FAM178B: variants seen among roughly 807,000 people sequenced by gnomAD.
FAM178B encodes the protein protein FAM178B.
In FAM178B, 82 loss-of-function variants were observed where a neutral mutation model predicts 91.7. That is an observed-to-expected ratio of 0.89 (90% confidence interval 0.75 to 1.07). The LOEUF is 1.07. Ranked by LOEUF, FAM178B falls within the 50% of genes least tolerant of loss-of-function variation. The pLI is 0.00. For missense variants in FAM178B, 769 were observed against 846.7 expected, an observed-to-expected ratio of 0.91 and a Z score of 1.14; for synonymous variants, 368 against 359.4, an observed-to-expected ratio of 1.02 and a Z score of -0.27.
chr2:96,949,909 G>C, intron 7 of FAM178B: 1 of 906,490 alleles, frequency 1.1e-6, no homozygotes, highest in Non-Finnish European at 1.3e-6. Flanking sequence ...GCACAGAGCT[G>C]ATGCTAAGAA....
intron 5 of FAM178B, among the ~76,000 whole-genome samples, chr2:96,962,184 C>A (rs1431542740): frequency 6.6e-6 from 1 of 152,070 alleles, no homozygotes; most frequent in Non-Finnish European, 1.5e-5. Context: ...CACCTGTAAT[C>A]CCAGCTACTT....
In FAM178B at chr2:96,906,204, C is replaced by CT. The variant is rs779631865; in HGVS notation, c.1563-3498dup. ...CAGCCAATACTTTTTCTTTTTCTTT[C>CT]TTTTTTTTTTTTTTTGAGCAGGAGT... On this transcript the variant is annotated intron_variant, in intron 12 of 16. Transcript: ENST00000490605. Among the ~76,000 whole-genome samples the CT allele has an allele frequency of 4.1e-3, 548 of 132,910 alleles. 7 individuals are homozygous for CT. Among genetic ancestry groups the CT allele is most frequent in the African/African-American group, 8.9e-3 (320 of 35,834 alleles). The allele number at this position is 132,910 out of a possible 152,430, so 87.2% of individuals were successfully genotyped here.
At chr2:96,877,674 C>T (rs751104201) in intron 16 of FAM178B, 15 of 569,402 alleles carry the variant, frequency 2.6e-5, no homozygotes, top group East Asian at 5.9e-5. Context: ...GGATTACAGG[C>T]GTGAGCTACC....
chr2:96,970,793 A>C lies in FAM178B; in HGVS notation c.565-16T>G. On this transcript the variant is annotated splice_polypyrimidine_tract_variant and intron_variant, in intron 3 of 16. Transcript: ENST00000490605. Reference sequence around the variant, plus strand: ...CCCAGGAAAACTGGAGAAACAGGACATGGGAATGAGGACGACAGAGAAGTA... The same window carrying C: ...CCCAGGAAAACTGGAGAAACAGGACCTGGGAATGAGGACGACAGAGAAGTA... The C allele has an allele frequency of 6.5e-7, 1 of 1,541,786 alleles. No homozygotes were observed. Among genetic ancestry groups the C allele is most frequent in the Non-Finnish European group, 8.8e-7 (1 of 1,137,968 alleles).
At chr2:96,976,690 C>CA (rs1172673965) in intron 1 of FAM178B, among the ~76,000 whole-genome samples, 4 of 150,266 alleles carry the variant, frequency 2.7e-5, no homozygotes, top group African/African-American at 7.3e-5. Flanking sequence ...ACTAAAAATA[C>CA]AAAAAAAATT....
chr2:96,908,401 A>G (rs554199363), intron 12 of FAM178B, among the ~76,000 whole-genome samples: 1 of 152,324 alleles, frequency 6.6e-6, no homozygotes, highest in African/African-American at 2.4e-5. Flanking sequence ...ATAAATGTTT[A>G]AAAACAGGCA....
At chr2:96,932,390 G>C (rs2081554628) in intron 8 of FAM178B, among the ~76,000 whole-genome samples, 1 of 152,228 alleles carries the variant, frequency 6.6e-6, no homozygotes, top group Non-Finnish European at 1.5e-5. Flanking sequence ...CCTATCAGCA[G>C]CCGTGGAGGC....
intron 12 of FAM178B, among the ~76,000 whole-genome samples, chr2:96,906,566 C>A (rs1013297564): frequency 3.3e-5 from 5 of 152,174 alleles, no homozygotes; most frequent in African/African-American, 9.7e-5. Flanking sequence ...CAACACTTCC[C>A]ACTTCCCCCA....
intron 1 of FAM178B, among the ~76,000 whole-genome samples, chr2:96,980,589 G>A (rs2082348505): frequency 6.6e-6 from 1 of 152,052 alleles, no homozygotes; most frequent in African/African-American, 2.4e-5. Flanking sequence ...TTTTGTAGAG[G>A]TGGAGGTCTT....
In FAM178B at chr2:96,937,594, C is replaced by T. The variant is rs200760803; in HGVS notation, c.1079-8274G>A. Among the ~76,000 whole-genome samples the T allele has an allele frequency of 9.2e-5, 14 of 152,192 alleles. No homozygotes were observed. The East Asian group carries it at 2.5e-3, about 27-fold the overall frequency. On this transcript the variant is annotated intron_variant, in intron 8 of 16. Coordinates refer to ENST00000490605, the MANE Select transcript of FAM178B (RefSeq NM_001122646.3). ...TTAAAATGCTAATGCCCAGGCTGTG[C>T]CTCAGACTGATCTCAGAGGGTAGGA...
chr2:96,960,302 T>A lies in FAM178B; in HGVS notation c.873A>T (p.Glu291Asp). 1 of 1,551,734 alleles carries A rather than the reference T, an allele frequency of 6.4e-7. No homozygotes were observed. Among genetic ancestry groups the A allele is most frequent in the Non-Finnish European group, 8.7e-7 (1 of 1,146,988 alleles). Residue 291 changes from glutamate to aspartate, a missense_variant, in exon 6 of 17, where the codon GAA becomes GAT. Physicochemically the swap from Glu to Asp is conservative, Grantham distance 45 (BLOSUM62 2). Transcript: ENST00000490605. ...CCCACACTTACCTGAGGAACAGCCC[T>A]TCCAGGTGGCTGCGTGGCTTCAGGA... ...SSLLKPRSHLEGLFLSSPPAQ... is the reference protein window; with the variant it reads ...SSLLKPRSHLDGLFLSSPPAQ...
intron 12 of FAM178B, among the ~76,000 whole-genome samples, chr2:96,916,650 C>G (rs960784648): frequency 1.3e-5 from 2 of 152,214 alleles, no homozygotes; most frequent in Non-Finnish European, 2.9e-5. Flanking sequence ...CAAGAACCTC[C>G]TCTTCCCCTT....
At chr2:96,978,786 G>A (rs547810241) in intron 1 of FAM178B, among the ~76,000 whole-genome samples, 2 of 151,632 alleles carry the variant, frequency 1.3e-5, no homozygotes, top group African/African-American at 2.4e-5. Context: ...CACCACGCCC[G>A]GCTAATTTTT....
intron 8 of FAM178B, among the ~76,000 whole-genome samples, chr2:96,944,621 T>A (rs896331977): frequency 5.9e-5 from 9 of 152,200 alleles, no homozygotes; most frequent in Non-Finnish European, 1.3e-4. Context: ...AGACTGCGCA[T>A]CTACTGAACG....
At chr2:96,954,742 CTCTT>C (rs920650735) in intron 6 of FAM178B, among the ~76,000 whole-genome samples, 1 of 152,252 alleles carries the variant, frequency 6.6e-6, no homozygotes, top group African/African-American at 2.4e-5. Flanking sequence ...CTTTTGCTTT[CTCTT>C]TCTTTGTTTA....
At chr2:96,941,778 C>A (rs1214087550) in intron 8 of FAM178B, among the ~76,000 whole-genome samples, 3 of 152,194 alleles carry the variant, frequency 2.0e-5, no homozygotes. Context: ...TGGAAAAGAA[C>A]CTACGCAAGC....
At chr2:96,931,749 AT>A (rs2081543307) in intron 8 of FAM178B, among the ~76,000 whole-genome samples, 1 of 152,094 alleles carries the variant, frequency 6.6e-6, no homozygotes, top group African/African-American at 2.4e-5. Context: ...GCCCAAGGAC[AT>A]TTCTTCGGCA....
At chr2:96,946,535 T>C (rs926689238) in intron 8 of FAM178B, among the ~76,000 whole-genome samples, 6 of 152,122 alleles carry the variant, frequency 3.9e-5, no homozygotes, top group Non-Finnish European at 8.8e-5. Flanking sequence ...GGCTCTCAGG[T>C]AGTGGCCACA....
chr2:96,942,395 C>T (rs544335002), intron 8 of FAM178B, among the ~76,000 whole-genome samples: 3 of 152,238 alleles, frequency 2.0e-5, no homozygotes, highest in South Asian at 4.2e-4. Flanking sequence ...CCCAAACAGC[C>T]AAAACAATTT....
Sources: gnomAD v4.1 joint callset for allele counts (sites outside exome capture counted in the v4.1 genomes callset) on GRCh38, gnomAD v4.1.1 for gene constraint, MANE v1.5 for transcripts, NCBI Gene and HGNC (gene_info 2026-07-23, HGNC 2026-07-21) for gene names.